Variants in NAV3 observed in about 807,000 individuals in gnomAD.
The protein encoded by NAV3 is pore membrane and/or filament interacting like protein 1.
Under a neutral mutation model 244.7 loss-of-function variants are expected in NAV3, and 87 were observed. That is an observed-to-expected ratio of 0.36 (90% CI 0.30 to 0.42). The LOEUF (loss-of-function observed/expected upper bound fraction) is 0.42, where lower values mean the gene tolerates loss of function less well. Among genes scored for constraint, NAV3 ranks in the 20% least tolerant of loss-of-function variants. The pLI, the probability that NAV3 is intolerant of heterozygous loss-of-function variation, is 1.00. For synonymous variants in NAV3, 1,126 were observed against 1,042.2 expected, an observed-to-expected ratio of 1.08 and a Z score of -1.55; for missense variants, 2,663 against 2,893.3, an observed-to-expected ratio of 0.92 and a Z score of 1.83.
At chr12:77,614,447 T>G (rs1196064115) in intron 2 of NAV3, among the ~76,000 whole-genome samples, 1 of 152,106 alleles carries the variant, frequency 6.6e-6, no homozygotes, top group Non-Finnish European at 1.5e-5. Flanking sequence ...TGACTATCCT[T>G]GCAAAAAGAA....
intron 5 of NAV3, among the ~76,000 whole-genome samples, chr12:77,988,745 G>T (rs1437895727): frequency 6.6e-6 from 1 of 152,030 alleles, no homozygotes; most frequent in Admixed American, 6.6e-5. Context: ...CTGCTTTTCT[G>T]ACTCAGTTTA....
At chr12:77,731,406 G>A (rs1306505624) in intron 2 of NAV3, among the ~76,000 whole-genome samples, 1 of 151,854 alleles carries the variant, frequency 6.6e-6, no homozygotes, top group East Asian at 1.9e-4. Context: ...TATACAAAAA[G>A]AAAAAGTTGC....
chr12:77,884,662 A>C (rs956669518), intron 1 of NAV3, among the ~76,000 whole-genome samples: 1 of 152,142 alleles, frequency 6.6e-6, no homozygotes, highest in East Asian at 1.9e-4. Context: ...ATGTCCACTT[A>C]CATTGATGGC....
chr12:77,739,300 C>G (rs1053420480), intron 2 of NAV3, among the ~76,000 whole-genome samples: 1 of 152,004 alleles, frequency 6.6e-6, no homozygotes, highest in Non-Finnish European at 1.5e-5. Flanking sequence ...ATTAGTTTGA[C>G]AAATGTATCA....
chr12:78,143,879 C>G (rs1026095705), intron 20 of NAV3, among the ~76,000 whole-genome samples: 3 of 152,098 alleles, frequency 2.0e-5, no homozygotes, highest in Non-Finnish European at 2.9e-5. Flanking sequence ...CAGCCTCCAC[C>G]AATGCTTTTC....
intron 2 of NAV3, among the ~76,000 whole-genome samples, chr12:77,720,812 C>T (rs891372300): frequency 6.6e-6 from 1 of 152,080 alleles, no homozygotes; most frequent in Non-Finnish European, 1.5e-5. Context: ...GGATTTCTCA[C>T]AAAGGGAGTG....
intron 30 of NAV3, among the ~76,000 whole-genome samples, chr12:78,182,509 A>G (rs1245033861): frequency 2.0e-5 from 3 of 151,962 alleles, no homozygotes; most frequent in African/African-American, 7.2e-5. Context: ...ATAAGGTTTG[A>G]AGGAGGCAAG....
At chr12:78,037,153 C>A in intron 9 of NAV3, 1 of 703,006 alleles carries the variant, frequency 1.4e-6, no homozygotes, top group South Asian at 1.5e-5. Context: ...GGCAGCCAGT[C>A]AGACAGTGAA....
chr12:77,616,201 G>A (rs1871137161), intron 2 of NAV3, among the ~76,000 whole-genome samples: 1 of 152,116 alleles, frequency 6.6e-6, no homozygotes, highest in Non-Finnish European at 1.5e-5. Context: ...GAGGTCAGGA[G>A]TTCGAGACTA....
At chr12:78,138,152 T>C (rs1956455072) in intron 19 of NAV3, among the ~76,000 whole-genome samples, 1 of 152,066 alleles carries the variant, frequency 6.6e-6, no homozygotes, top group Admixed American at 6.6e-5. Flanking sequence ...TTCAAACTGA[T>C]TAGAATGAAA....
chr12:78,178,303 G>A (rs1471919372), intron 28 of NAV3, among the ~76,000 whole-genome samples: 3 of 151,678 alleles, frequency 2.0e-5, no homozygotes, highest in African/African-American at 7.3e-5. Context: ...GGGTTTACAG[G>A]CGTGCACCAC....
chr12:78,092,218 G>A (rs1449559821), intron 12 of NAV3, among the ~76,000 whole-genome samples: 3 of 151,962 alleles, frequency 2.0e-5, no homozygotes, highest in Non-Finnish European at 2.9e-5. Flanking sequence ...AAATGCGTGC[G>A]AAGAAAAATA....
intron 2 of NAV3, among the ~76,000 whole-genome samples, chr12:77,705,628 G>C (rs373902230): frequency 6.6e-6 from 1 of 151,402 alleles, no homozygotes; most frequent in African/African-American, 2.5e-5. Flanking sequence ...ACCATCAGCA[G>C]CTCTAGCCAG....
chr12:77,748,620 G>T (rs1277718926), intron 2 of NAV3, among the ~76,000 whole-genome samples: 1 of 152,158 alleles, frequency 6.6e-6, no homozygotes, highest in Non-Finnish European at 1.5e-5. Context: ...ATGATGCTAA[G>T]TGAAATAAAT....
chr12:77,632,182 G>C (rs192098273), intron 2 of NAV3, among the ~76,000 whole-genome samples: 1 of 152,234 alleles, frequency 6.6e-6, no homozygotes, highest in East Asian at 1.9e-4. Flanking sequence ...CAATCAGAAT[G>C]GTGATGTTTG....
At chr12:77,801,614 T>C (rs1047850218) in intron 2 of NAV3, among the ~76,000 whole-genome samples, 1 of 152,178 alleles carries the variant, frequency 6.6e-6, no homozygotes, top group Non-Finnish European at 1.5e-5. Flanking sequence ...TTTATTACAC[T>C]ATGACCCTAA....
At chr12:78,148,686 G>A in intron 21 of NAV3, 156 bp from the exon 22 acceptor site, 2 of 609,262 alleles carry the variant, frequency 3.3e-6, no homozygotes, top group Non-Finnish European at 5.8e-6. Context: ...GCTTGTTACT[G>A]TGGAGTCAGT....
chr12:77,706,894 C>A (rs1453915630), intron 2 of NAV3, among the ~76,000 whole-genome samples: 13 of 127,342 alleles, frequency 1.0e-4, no homozygotes, highest in African/African-American at 2.3e-4. Context: ...AAAAAAAAAA[C>A]CAAAAAAAAA....
chr12:78,191,716 T>C (rs891890424), intron 34 of NAV3, among the ~76,000 whole-genome samples: 3 of 152,282 alleles, frequency 2.0e-5, no homozygotes, highest in East Asian at 1.9e-4. Context: ...CTGACATGTT[T>C]AATGCTTCCT....
Sources: gnomAD v4.1 joint callset for allele counts (sites outside exome capture counted in the v4.1 genomes callset) on GRCh38, gnomAD v4.1.1 for gene constraint, MANE v1.5 for transcripts, NCBI Gene and HGNC (gene_info 2026-07-23, HGNC 2026-07-21) for gene names.